The following ESR1 variants were observed in gnomAD, a reference collection of about 807,000 sequenced individuals.
ESR1 encodes estrogen receptor.
In ESR1, 12 loss-of-function variants were observed where a neutral mutation model predicts 52.7. That is an observed-to-expected ratio of 0.23 (90% CI 0.15 to 0.37). The LOEUF (loss-of-function observed/expected upper bound fraction) is 0.37. Ranked by LOEUF, ESR1 falls within the 10% of genes least tolerant of loss-of-function variation. The pLI is 1.00. For missense variants in ESR1, 584 were observed against 779.7 expected, an observed-to-expected ratio of 0.75 and a Z score of 2.99; for synonymous variants, 305 against 316.8, an observed-to-expected ratio of 0.96 and a Z score of 0.39.
Position 152,095,944 on chromosome 6 carries a change from TAG to T in ESR1, c.1553+1379_1553+1380del, listed in dbSNP as rs199666129. On this transcript the variant is annotated intron_variant, in intron 7 of 7. Transcript: ENST00000206249. ...TAAGGAAGGACATCAGCAGACAAAA[TAG>T]AGTCTTTCTATGCCAAAAGGTGAAA... 6.6e-3 allele frequency among the ~76,000 whole-genome samples: 1,002 copies of T among 152,328 alleles called. 13 individuals are homozygous for T. The highest frequency in any genetic ancestry group is 0.023 in the African/African-American group (951 of 41,572).
chr6:151,686,749 G>A (rs1465945859), upstream of ESR1, among the ~76,000 whole-genome samples: 1 of 151,758 alleles, frequency 6.6e-6, no homozygotes. Flanking sequence ...CTAGGCCCTG[G>A]ATGCATGTTT....
intron 5 of ESR1, among the ~76,000 whole-genome samples, chr6:152,019,153 T>C (rs2207232): frequency 0.14 from 21,825 of 152,166 alleles, 1,855 homozygotes; most frequent in East Asian, 0.37. Context: ...GCCATTATGA[T>C]TGCCACTTCT....
At chr6:151,798,557 T>C (rs1465603182) in intron 2 of ESR1, among the ~76,000 whole-genome samples, 1 of 152,216 alleles carries the variant, frequency 6.6e-6, no homozygotes, top group African/African-American at 2.4e-5. Context: ...TCTTTGAATG[T>C]TTATGTTATT....
At chr6:151,933,858 A>C (rs1195208578) in intron 3 of ESR1, among the ~76,000 whole-genome samples, 1 of 152,190 alleles carries the variant, frequency 6.6e-6, no homozygotes, top group Admixed American at 6.5e-5. Context: ...CAGCATTTTT[A>C]AAATCACCCT....
At chr6:152,075,045 C>T (rs1400094841) in intron 6 of ESR1, among the ~76,000 whole-genome samples, 1 of 152,186 alleles carries the variant, frequency 6.6e-6, no homozygotes, top group South Asian at 2.1e-4. Flanking sequence ...GGCTTGTCTT[C>T]TCATTCTCTG....
At chr6:151,951,726 G>A (rs1397511025) in intron 4 of ESR1, among the ~76,000 whole-genome samples, 3 of 152,190 alleles carry the variant, frequency 2.0e-5, no homozygotes, top group Admixed American at 2.0e-4. Context: ...TCTTCCTGAT[G>A]CTTTGAACCA....
chr6:151,881,271 A>T (rs1281435573), intron 3 of ESR1, among the ~76,000 whole-genome samples: 1 of 152,180 alleles, frequency 6.6e-6, no homozygotes, highest in Non-Finnish European at 1.5e-5. Context: ...TTAGAACCTG[A>T]GTGAACCAGC....
In ESR1 at chr6:152,101,155, C is replaced by T. The variant is rs1387464973; in HGVS notation, c.*2189C>T. ...CACATTTCATATCAACTTTTGTATC[C>T]ACAGTAGACAAAATAGCACTAATCC... On this transcript the variant is annotated 3_prime_UTR_variant, in exon 8 of 8. Transcript: ENST00000206249. 1 of 229,722 alleles carries T rather than the reference C, an allele frequency of 4.4e-6. No individual in the cohort carries two copies. The highest frequency in any genetic ancestry group is 6.2e-5 in the East Asian group (1 of 16,058). 14.2% of individuals were successfully genotyped at this position (229,722 alleles called of 1,614,324 possible).
intron 2 of ESR1, among the ~76,000 whole-genome samples, chr6:151,781,760 A>C (rs1398464430): frequency 2.0e-5 from 3 of 152,180 alleles, no homozygotes; most frequent in Non-Finnish European, 4.4e-5. Context: ...ATATCTTCCT[A>C]CTAAACAGTG....
intron 5 of ESR1, among the ~76,000 whole-genome samples, chr6:152,037,641 G>C (rs1309789049): frequency 6.6e-6 from 1 of 152,168 alleles, no homozygotes; most frequent in Non-Finnish European, 1.5e-5. Context: ...TAGGTGTCAT[G>C]CTTGTGGTTC....
At chr6:152,038,356 G>A (rs746824230) in intron 5 of ESR1, among the ~76,000 whole-genome samples, 3 of 152,058 alleles carry the variant, frequency 2.0e-5, no homozygotes, top group Non-Finnish European at 2.9e-5. Context: ...ATCTTCTTTG[G>A]TAATACCCTC....
At chr6:151,965,582 C>G (rs1378310274) in intron 4 of ESR1, among the ~76,000 whole-genome samples, 2 of 152,024 alleles carry the variant, frequency 1.3e-5, no homozygotes, top group Non-Finnish European at 2.9e-5. Context: ...TACCCTCTAC[C>G]TACTTAATGA....
At chr6:151,726,017 A>G (rs1781809939) in intron 2 of ESR1, among the ~76,000 whole-genome samples, 1 of 152,180 alleles carries the variant, frequency 6.6e-6, no homozygotes, top group Non-Finnish European at 1.5e-5. Flanking sequence ...AGCAAAAATA[A>G]AGAGGTGGAA....
chr6:151,798,376 G>C (rs1293824083), intron 2 of ESR1, among the ~76,000 whole-genome samples: 2 of 152,084 alleles, frequency 1.3e-5, no homozygotes, highest in Non-Finnish European at 2.9e-5. Context: ...TGAGAAAAGG[G>C]AACAAATTTA....
At chr6:151,877,982 A>AT (rs1792139114) in intron 2 of ESR1, among the ~76,000 whole-genome samples, 12 of 150,442 alleles carry the variant, frequency 8.0e-5, no homozygotes, top group Non-Finnish European at 1.6e-4. Context: ...GCTAATATTT[A>AT]ATTTTTTTTT....
chr6:152,121,351 G>A (rs2051348561), intron 6 of ESR1, among the ~76,000 whole-genome samples: 1 of 152,200 alleles, frequency 6.6e-6, no homozygotes, highest in Admixed American at 6.5e-5. Context: ...GCTGTTGTCT[G>A]CTCGCAATGG....
intron 5 of ESR1, among the ~76,000 whole-genome samples, chr6:152,035,132 A>C (rs2045171420): frequency 6.6e-6 from 1 of 152,128 alleles, no homozygotes; most frequent in Non-Finnish European, 1.5e-5. Context: ...AGTCAGACTT[A>C]ATATATCCTA....
At chr6:151,909,712 T>C (rs1287510177) in intron 3 of ESR1, among the ~76,000 whole-genome samples, 1 of 152,122 alleles carries the variant, frequency 6.6e-6, no homozygotes, top group Non-Finnish European at 1.5e-5. Flanking sequence ...GGCAGAAGCA[T>C]GACCCCTGGA....
intron 1 of ESR1, among the ~76,000 whole-genome samples, chr6:151,661,010 T>A (rs1201848191): frequency 1.3e-5 from 2 of 152,146 alleles, no homozygotes; most frequent in African/African-American, 4.8e-5. Context: ...TAATGTGAAG[T>A]TAAAATTGAC....
Sources: gnomAD v4.1 joint callset for allele counts (sites outside exome capture counted in the v4.1 genomes callset) on GRCh38, gnomAD v4.1.1 for gene constraint, MANE v1.5 for transcripts, NCBI Gene and HGNC (gene_info 2026-07-23, HGNC 2026-07-21) for gene names.